The following TANC2 variants were observed in gnomAD, a reference collection of about 807,000 sequenced individuals.
TANC2 encodes tetratricopeptide repeat, ankyrin repeat and coiled-coil containing 2.
TANC2 carries 26 observed loss-of-function variants against 210.5 expected under a neutral mutation model. That is an observed-to-expected ratio of 0.12 (90% CI 0.09 to 0.17). The LOEUF (loss-of-function observed/expected upper bound fraction) is 0.17. Among genes scored for constraint, TANC2 ranks in the 10% least tolerant of loss-of-function variants. TANC2 has a pLI of 1.00. For missense variants in TANC2, 2,129 were observed against 2,608.9 expected, an observed-to-expected ratio of 0.82 and a Z score of 4.01; for synonymous variants, 931 against 967.1, an observed-to-expected ratio of 0.96 and a Z score of 0.69.
chr17:63,422,149 T>A, exon 28 of TANC2: 1 of 606,472 alleles, frequency 1.6e-6, no homozygotes, highest in Admixed American at 3.4e-5. Context: ...GGACTTCAGT[T>A]TCTCTTGTCT....
chr17:63,097,137 C>T (rs184550973), intron 3 of TANC2, among the ~76,000 whole-genome samples: 72 of 151,700 alleles, frequency 4.7e-4, no homozygotes, highest in East Asian at 4.1e-3. Flanking sequence ...ACCTCCTGGG[C>T]GCAAGTGATC....
chr17:62,999,691 T>A (rs1044001667), intron 1 of TANC2, among the ~76,000 whole-genome samples: 2 of 152,134 alleles, frequency 1.3e-5, no homozygotes, highest in Middle Eastern at 3.2e-3. Flanking sequence ...CTAAGATAAT[T>A]CTTCTTCCAC....
At chr17:63,095,408 C>T (rs1020689587) in intron 3 of TANC2, among the ~76,000 whole-genome samples, 1 of 152,068 alleles carries the variant, frequency 6.6e-6, no homozygotes, top group African/African-American at 2.4e-5. Context: ...TGGCTTCAAA[C>T]AACCCTCCTG....
intron 5 of TANC2, chr17:63,153,411 A>T (rs146698114): frequency 6.6e-6 from 1 of 152,268 alleles, no homozygotes; most frequent in East Asian, 1.9e-4. Flanking sequence ...TTAGGAAAAT[A>T]CTTTGTCTCC....
intron 14 of TANC2, among the ~76,000 whole-genome samples, chr17:63,378,622 A>G (rs372171824): frequency 1.3e-4 from 20 of 152,372 alleles, no homozygotes; most frequent in African/African-American, 4.8e-4. Flanking sequence ...GACAATATCC[A>G]GAGGCAGATA....
chr17:63,042,486 A>G (rs918833794), intron 2 of TANC2, among the ~76,000 whole-genome samples: 1 of 152,130 alleles, frequency 6.6e-6, no homozygotes, highest in Non-Finnish European at 1.5e-5. Context: ...TTACTACTGT[A>G]AATTTGCAAT....
intron 2 of TANC2, among the ~76,000 whole-genome samples, chr17:63,040,435 T>C (rs1337156065): frequency 6.6e-6 from 1 of 152,128 alleles, no homozygotes; most frequent in Admixed American, 6.6e-5. Flanking sequence ...AGCACTTTAC[T>C]TATGTACTCA....
At chr17:62,968,187 A>G (rs758943262) in intron 1 of TANC2, among the ~76,000 whole-genome samples, 2 of 152,262 alleles carry the variant, frequency 1.3e-5, no homozygotes, top group Non-Finnish European at 2.9e-5. Context: ...TGTAACTTAT[A>G]TGTATACATA....
chr17:63,310,582 T>C (rs2045089327), intron 9 of TANC2, among the ~76,000 whole-genome samples: 1 of 152,164 alleles, frequency 6.6e-6, no homozygotes, highest in South Asian at 2.1e-4. Context: ...TTCTCACAAA[T>C]TCAGTAAGAC....
intron 2 of TANC2, among the ~76,000 whole-genome samples, chr17:63,030,955 TAAG>T (rs2034744302): frequency 6.6e-6 from 1 of 152,094 alleles, no homozygotes; most frequent in Admixed American, 6.6e-5. Flanking sequence ...AATATTTTGA[TAAG>T]AAGTTTGCAG....
chr17:63,251,744 T>C (rs528652976), intron 8 of TANC2, among the ~76,000 whole-genome samples: 4 of 152,194 alleles, frequency 2.6e-5, no homozygotes, highest in Non-Finnish European at 5.9e-5. Flanking sequence ...CTGCTTTTTT[T>C]TAAGGTCATT....
At chr17:62,987,703 G>A (rs546881142) in intron 1 of TANC2, among the ~76,000 whole-genome samples, 2 of 152,272 alleles carry the variant, frequency 1.3e-5, no homozygotes, top group Non-Finnish European at 2.9e-5. Context: ...CACAACGGGT[G>A]CATCTTCACA....
At chr17:62,975,997 A>G (rs926239117) in intron 1 of TANC2, among the ~76,000 whole-genome samples, 11 of 152,128 alleles carry the variant, frequency 7.2e-5, no homozygotes, top group African/African-American at 2.4e-4. Context: ...CTTGCAAGGC[A>G]TTTTAGAAAC....
chr17:63,353,113 T>C (rs915775687), intron 13 of TANC2, among the ~76,000 whole-genome samples: 1 of 152,158 alleles, frequency 6.6e-6, no homozygotes, highest in African/African-American at 2.4e-5. Flanking sequence ...GCCGTCTACA[T>C]AATAAAATGT....
chr17:63,273,891 T>C (rs2043794103), intron 9 of TANC2, among the ~76,000 whole-genome samples: 1 of 152,220 alleles, frequency 6.6e-6, no homozygotes, highest in African/African-American at 2.4e-5. Flanking sequence ...GCAAGCCGTG[T>C]CTTAAACCTT....
At chr17:62,984,868 C>T (rs1439804849) in intron 1 of TANC2, among the ~76,000 whole-genome samples, 1 of 151,948 alleles carries the variant, frequency 6.6e-6, no homozygotes, top group Non-Finnish European at 1.5e-5. Flanking sequence ...TCTTTGTGTC[C>T]TAATTTGGTC....
At chr17:63,336,515 C>T (rs1174797974) in intron 11 of TANC2, among the ~76,000 whole-genome samples, 1 of 152,176 alleles carries the variant, frequency 6.6e-6, no homozygotes, top group African/African-American at 2.4e-5. Context: ...TTTTTATATA[C>T]AGCATTAAAT....
At chr17:63,044,588 G>T (rs2035308997) in intron 2 of TANC2, among the ~76,000 whole-genome samples, 1 of 152,032 alleles carries the variant, frequency 6.6e-6, no homozygotes, top group South Asian at 2.1e-4. Flanking sequence ...CCACACATTA[G>T]TTTTTCTAGG....
chr17:63,180,381 G>C (rs2040739550), intron 5 of TANC2, among the ~76,000 whole-genome samples: 1 of 152,096 alleles, frequency 6.6e-6, no homozygotes, highest in African/African-American at 2.4e-5. Flanking sequence ...AAATATAATT[G>C]GAAAGATTCA....
Sources: gnomAD v4.1 joint callset for allele counts (sites outside exome capture counted in the v4.1 genomes callset) on GRCh38, gnomAD v4.1.1 for gene constraint, MANE v1.5 for transcripts, NCBI Gene and HGNC (gene_info 2026-07-23, HGNC 2026-07-21) for gene names.